Variants in VWA3B observed in about 807,000 individuals in gnomAD.
The protein encoded by VWA3B is von Willebrand factor A domain-containing protein 3B.
Under a neutral mutation model 158.3 loss-of-function variants are expected in VWA3B, and 138 were observed. That is an observed-to-expected ratio of 0.87 (90% confidence interval 0.76 to 1.00). VWA3B has a LOEUF of 1.00. VWA3B is among the 50% of genes least tolerant of loss of function. The probability of loss-of-function intolerance (pLI) is 0.00; values close to 1 mark genes in which losing one functional copy is unlikely to be tolerated. For synonymous variants in VWA3B, 596 were observed against 587.3 expected, an observed-to-expected ratio of 1.01 and a Z score of -0.21; for missense variants, 1,555 against 1,565.1, an observed-to-expected ratio of 0.99 and a Z score of 0.11.
At chr2:98,300,587 C>A (rs1231044778) in intron 25 of VWA3B, among the ~76,000 whole-genome samples, 1 of 152,092 alleles carries the variant, frequency 6.6e-6, no homozygotes, top group Non-Finnish European at 1.5e-5. Context: ...CTTTGAGGTC[C>A]CCTGCTGGCC....
chr2:98,132,718 C>T (rs912038061), intron 6 of VWA3B, among the ~76,000 whole-genome samples: 1 of 152,178 alleles, frequency 6.6e-6, no homozygotes, highest in Admixed American at 6.5e-5. Flanking sequence ...CCCTACAGGG[C>T]AAGGGAGCTG....
chr2:98,251,342 C>T (rs995023812), intron 20 of VWA3B, among the ~76,000 whole-genome samples: 8 of 152,044 alleles, frequency 5.3e-5, no homozygotes, highest in East Asian at 1.9e-4. Flanking sequence ...TAATAAAACT[C>T]GACAGTAATG....
the VWA3B span, among the ~76,000 whole-genome samples, chr2:98,320,333 G>A: frequency 0.044 from 6,769 of 152,186 alleles, 184 homozygotes; most frequent in South Asian, 0.065. Flanking sequence ...AGCCAGTCTC[G>A]GGTATGTCTT....
chr2:98,094,149 A>G (rs912639070), intron 2 of VWA3B, among the ~76,000 whole-genome samples: 1 of 152,190 alleles, frequency 6.6e-6, no homozygotes, highest in African/African-American at 2.4e-5. Context: ...TCCTTTGGAT[A>G]TACATATCCA....
intron 9 of VWA3B, among the ~76,000 whole-genome samples, chr2:98,184,737 C>T (rs374135972): frequency 6.6e-6 from 1 of 152,256 alleles, no homozygotes; most frequent in African/African-American, 2.4e-5. Context: ...CCCTGCAGCC[C>T]TCTGGAGTGG....
chr2:98,298,439 A>ATTCTT (rs1689968054), intron 24 of VWA3B, among the ~76,000 whole-genome samples: 1 of 139,606 alleles, frequency 7.2e-6, no homozygotes, highest in Non-Finnish European at 1.6e-5. Flanking sequence ...ATTCTATTCT[A>ATTCTT]TTCTATGCCA....
intron 22 of VWA3B, among the ~76,000 whole-genome samples, chr2:98,280,720 T>A (rs62157915): frequency 4.6e-5 from 7 of 152,194 alleles, no homozygotes. Flanking sequence ...TGCTATGCCC[T>A]GGGGAGGCGG....
chr2:98,280,750 C>G (rs1197783113), intron 22 of VWA3B, among the ~76,000 whole-genome samples: 4 of 152,212 alleles, frequency 2.6e-5, no homozygotes. Flanking sequence ...TCACAAAGCA[C>G]TCCTCTACAT....
At chr2:98,282,449 T>A (rs1240991041) in intron 22 of VWA3B, among the ~76,000 whole-genome samples, 1 of 150,680 alleles carries the variant, frequency 6.6e-6, no homozygotes, top group Non-Finnish European at 1.5e-5. Context: ...TTTTTTTTTT[T>A]TTTTTTGAGA....
At chr2:98,188,437 C>T (rs533450713) in intron 10 of VWA3B, among the ~76,000 whole-genome samples, 2 of 152,122 alleles carry the variant, frequency 1.3e-5, no homozygotes, top group Non-Finnish European at 2.9e-5. Flanking sequence ...TGCAGAATAC[C>T]AGAGCTTGTT....
intron 26 of VWA3B, among the ~76,000 whole-genome samples, chr2:98,305,622 T>C (rs566511358): frequency 6.6e-6 from 1 of 152,192 alleles, no homozygotes; most frequent in Admixed American, 6.5e-5. Context: ...ACAAACCTGC[T>C]CCCATCTCGG....
intron 26 of VWA3B, among the ~76,000 whole-genome samples, chr2:98,307,489 GACCT>G (rs1690598032): frequency 6.6e-6 from 1 of 152,208 alleles, no homozygotes; most frequent in Admixed American, 6.5e-5. Flanking sequence ...AACAGGCTAT[GACCT>G]AACGCTTGCT....
chr2:98,176,188 T>C (rs1680001930), intron 8 of VWA3B, among the ~76,000 whole-genome samples: 1 of 152,128 alleles, frequency 6.6e-6, no homozygotes, highest in Non-Finnish European at 1.5e-5. Context: ...CTGACAGTTG[T>C]TATGTTTCTC....
rs1558747958 is a variant in VWA3B at position 98,270,850 on chromosome 2, C to A, written c.3012C>A (p.Ala1004=). The change falls in exon 22 of 28, where the codon GCC becomes GCA. Residue 1004 remains alanine, a synonymous_variant. Coordinates refer to ENST00000477737, the MANE Select transcript of VWA3B (RefSeq NM_144992.5). ...IQQAMELQEA[A]KKNYANKAPG... ...AGGCCATGGAACTCCAGGAGGCTGC[C>A]AAGAAGAATTATGCAAACAAGGCCC... is the stretch of plus-strand genomic sequence containing the variant. 2.5e-6 allele frequency: 4 copies of A among 1,613,976 alleles called. No homozygotes were observed. The highest frequency in any genetic ancestry group is 3.4e-6 in the Non-Finnish European group (4 of 1,179,918).
intron 19 of VWA3B, 152 bp downstream of exon 19, chr2:98,236,882 A>G: frequency 8.6e-7 from 1 of 1,166,132 alleles, no homozygotes; most frequent in Non-Finnish European, 1.2e-6. Context: ...GGAGAGAGAG[A>G]GGCTTTTAAG....
chr2:98,256,893 A>G (rs1687186801), intron 21 of VWA3B, among the ~76,000 whole-genome samples: 1 of 152,168 alleles, frequency 6.6e-6, no homozygotes, highest in African/African-American at 2.4e-5. Context: ...TGATCAAATC[A>G]GGATGTTTAG....
chr2:98,321,779 G>A, the VWA3B span, among the ~76,000 whole-genome samples: 1 of 152,190 alleles, frequency 6.6e-6, no homozygotes, highest in African/African-American at 2.4e-5. Flanking sequence ...GGGTACTGTT[G>A]GGAAAGCATG....
chr2:98,091,405 G>A (rs1682285757), intron 1 of VWA3B, among the ~76,000 whole-genome samples: 2 of 152,146 alleles, frequency 1.3e-5, no homozygotes, highest in African/African-American at 4.8e-5. Context: ...ACCAACAAAT[G>A]GAAGTTGTTG....
chr2:98,202,619 C>A (rs1192956160), intron 12 of VWA3B, among the ~76,000 whole-genome samples: 1 of 152,054 alleles, frequency 6.6e-6, no homozygotes, highest in Non-Finnish European at 1.5e-5. Context: ...CCAGCTACTG[C>A]TTTAGCTGTT....
Sources: gnomAD v4.1 joint callset for allele counts (sites outside exome capture counted in the v4.1 genomes callset) on GRCh38, gnomAD v4.1.1 for gene constraint, MANE v1.5 for transcripts, NCBI Gene and HGNC (gene_info 2026-07-23, HGNC 2026-07-21) for gene names.